The following POU2AF1 variants were observed in gnomAD, a reference collection of about 807,000 sequenced individuals.
POU2AF1 encodes the protein POU domain class 2-associating factor 1.
A neutral mutation model predicts 26.3 loss-of-function variants in POU2AF1; 12 were observed. That is an observed-to-expected ratio of 0.46 (90% CI 0.29 to 0.74). POU2AF1 has a LOEUF of 0.74. POU2AF1 is among the 30% of genes least tolerant of loss of function. POU2AF1 has a pLI of 0.09. For missense variants in POU2AF1, 297 were observed against 334.5 expected (o/e 0.89, Z 0.87); for synonymous variants, 175 against 148.0 (o/e 1.18, Z -1.32).
At chr11:111,377,487 G>A (rs1255818638) in intron 1 of POU2AF1, among the ~76,000 whole-genome samples, 1 of 152,156 alleles carries the variant, frequency 6.6e-6, no homozygotes, top group African/African-American at 2.4e-5. Context: ...GATGGTGAAT[G>A]CAGGGAAGCA....
At position 111,354,354 on chromosome 11, in the gene POU2AF1, G is replaced by A. The variant is rs565938887; in HGVS notation, c.678C>T (p.Ala226=). The change falls in exon 5 of 5, where the codon GCC becomes GCT. Residue 226 remains alanine (A), a synonymous_variant. Transcript: ENST00000393067. ...GCTTGTCGATGGTCAACGAGCTGGC[G>A]GCTCTTCTGGGGTCTTCCATGTCCT... The part of the protein sequence containing the change: ...VLQDMEDPRR[A]ASSLTIDKLL... The A allele has an allele frequency of 3.1e-5, 50 of 1,614,194 alleles. No homozygotes were observed. The highest frequency in any genetic ancestry group is 2.4e-4 in the South Asian group (22 of 91,084).
At chr11:111,358,689 TAC>T (rs1860938373) in intron 2 of POU2AF1, 97 bp downstream of exon 2, 1 of 1,309,900 alleles carries the variant, frequency 7.6e-7, no homozygotes, top group African/African-American at 1.9e-5. Flanking sequence ...CACACACGCA[TAC>T]ACATACTCAC....
At chr11:111,356,543 G>A (rs1860849662) in intron 4 of POU2AF1, among the ~76,000 whole-genome samples, 1 of 152,236 alleles carries the variant, frequency 6.6e-6, no homozygotes, top group African/African-American at 2.4e-5. Flanking sequence ...CCCTGGACTG[G>A]AGCTGGATAC....
At chr11:111,372,670 A>C (rs566302022) in intron 1 of POU2AF1, among the ~76,000 whole-genome samples, 6 of 152,350 alleles carry the variant, frequency 3.9e-5, no homozygotes, top group Admixed American at 1.3e-4. Flanking sequence ...ATTAAATGAG[A>C]TAATGCACTC....
chr11:111,361,920 C>T (rs77661433), intron 1 of POU2AF1, among the ~76,000 whole-genome samples: 4,548 of 152,242 alleles, frequency 0.03, 235 homozygotes, highest in African/African-American at 0.1. Flanking sequence ...AGGTGTCCCC[C>T]TAGGTCTGAA....
chr11:111,375,238 T>C (rs2135140664), intron 1 of POU2AF1, among the ~76,000 whole-genome samples: 1 of 152,292 alleles, frequency 6.6e-6, no homozygotes, highest in African/African-American at 2.4e-5. Context: ...TTCTAACAAA[T>C]GGAGTTCAGT....
In POU2AF1 at chr11:111,376,529, G is replaced by A. The variant is rs116294631; in HGVS notation, c.16+2633C>T. Reference sequence around the variant, plus strand: ...CTACTTCTCTGTGCCAGCAGTTCTGGGCTTTGTCACTTTATGCTCTAATCT... The same window carrying A: ...CTACTTCTCTGTGCCAGCAGTTCTGAGCTTTGTCACTTTATGCTCTAATCT... On this transcript the variant is annotated intron_variant, in intron 1 of 4. Coordinates refer to ENST00000393067, the MANE Select transcript of POU2AF1 (RefSeq NM_006235.3). 8.5e-3 allele frequency among the ~76,000 whole-genome samples: 1,298 copies of A among 152,208 alleles called. 22 individuals carry two copies. The highest frequency in any genetic ancestry group is 0.03 in the African/African-American group (1,225 of 41,502).
intron 1 of POU2AF1, among the ~76,000 whole-genome samples, chr11:111,374,113 T>C (rs919845603): frequency 1.3e-4 from 14 of 105,826 alleles, no homozygotes; most frequent in African/African-American, 4.6e-4. Context: ...GTAGGCAAAC[T>C]TGATTTTTTT....
At chr11:111,358,563 TAC>T (rs1221651366) in intron 2 of POU2AF1, among the ~76,000 whole-genome samples, 2 of 118,980 alleles carry the variant, frequency 1.7e-5, no homozygotes, top group East Asian at 2.7e-4. Flanking sequence ...CTCACATGCA[TAC>T]ACTCACACAC....
intron 1 of POU2AF1, among the ~76,000 whole-genome samples, chr11:111,378,248 G>C (rs2135144756): frequency 6.6e-6 from 1 of 152,222 alleles, no homozygotes. Flanking sequence ...TTGAGGCACA[G>C]CATACTAAAA....
rs1214589394 is a variant in POU2AF1 at position 111,358,397 on chromosome 11, CACACAT to C, written c.147+385_147+390del. 1.8e-3 allele frequency among the ~76,000 whole-genome samples: 182 copies of C among 103,120 alleles called. 1 individual carries two copies. Among genetic ancestry groups the C allele is most frequent in the Non-Finnish European group, 2.3e-3 (102 of 44,840 alleles). The allele number at this position is 103,120 out of a possible 152,430, so 67.7% of individuals were successfully genotyped here. On this transcript the variant is annotated intron_variant, in intron 2 of 4. Transcript: ENST00000393067. ...ACACTCTCTCACACACACTCCCTCACACACATACTCTCTCACACACACGCTCACACT... is the reference window on the plus strand; with the variant it reads ...ACACTCTCTCACACACACTCCCTCACACTCTCTCACACACACGCTCACACT...
chr11:111,362,310 A>T (rs1178535423), intron 1 of POU2AF1, among the ~76,000 whole-genome samples: 2 of 152,214 alleles, frequency 1.3e-5, no homozygotes, highest in African/African-American at 4.8e-5. Flanking sequence ...TCTTTGTGTT[A>T]TAAACAATCC....
At chr11:111,357,748 C>A (rs374339998) in intron 3 of POU2AF1, 38 bp from the exon 4 acceptor site, 3 of 1,612,148 alleles carry the variant, frequency 1.9e-6, no homozygotes, top group South Asian at 1.1e-5. Context: ...TCAGATGCCA[C>A]CCAGATGAGA....
chr11:111,361,056 G>C (rs1478830275), intron 1 of POU2AF1, among the ~76,000 whole-genome samples: 1 of 152,116 alleles, frequency 6.6e-6, no homozygotes, highest in Admixed American at 6.5e-5. Flanking sequence ...CCCAATAGGA[G>C]ATTCATTATC....
chr11:111,359,755 G>A (rs528596236), intron 1 of POU2AF1, among the ~76,000 whole-genome samples: 192 of 152,246 alleles, frequency 1.3e-3, no homozygotes, highest in South Asian at 3.3e-3. Context: ...GATTATAAAC[G>A]TCTCAAGGTG....
chr11:111,379,191 A>C lies in POU2AF1; in HGVS notation c.-14T>G. Reference sequence around the variant, plus strand: ...TTGCCAGAGCATGGCCTGTGACAGGATGTTGCCTTTTCTCTTTGAAGCCGA... The same window carrying C: ...TTGCCAGAGCATGGCCTGTGACAGGCTGTTGCCTTTTCTCTTTGAAGCCGA... On this transcript the variant is annotated 5_prime_UTR_variant, in exon 1 of 5. Coordinates refer to ENST00000393067, the MANE Select transcript of POU2AF1 (RefSeq NM_006235.3). 6.2e-7 allele frequency: 1 copy of C among 1,614,036 alleles called. No individual in the cohort carries two copies. Among genetic ancestry groups the C allele is most frequent in the Admixed American group, 1.7e-5 (1 of 60,026 alleles).
chr11:111,360,494 G>T, intron 1 of POU2AF1, among the ~76,000 whole-genome samples: 1 of 152,206 alleles, frequency 6.6e-6, no homozygotes, highest in East Asian at 1.9e-4. Context: ...AACAGGAAGT[G>T]GGAAATGAGT....
chr11:111,368,826 A>G (rs1266612433), intron 1 of POU2AF1, among the ~76,000 whole-genome samples: 1 of 152,238 alleles, frequency 6.6e-6, no homozygotes, highest in East Asian at 1.9e-4. Context: ...TCAAAGGGTA[A>G]TCATGAGAAC....
chr11:111,354,771 C>T (rs1325086119), intron 4 of POU2AF1, among the ~76,000 whole-genome samples, 196 bp from the exon 5 acceptor site: 1 of 152,174 alleles, frequency 6.6e-6, no homozygotes, highest in African/African-American at 2.4e-5. Context: ...CAGCCCCAAT[C>T]CTGACCCTTC....
Sources: gnomAD v4.1 joint callset for allele counts (sites outside exome capture counted in the v4.1 genomes callset) on GRCh38, gnomAD v4.1.1 for gene constraint, MANE v1.5 for transcripts, NCBI Gene and HGNC (gene_info 2026-07-23, HGNC 2026-07-21) for gene names.